DNAJB1: variants seen among roughly 807,000 people sequenced by gnomAD.
DNAJB1 encodes the protein DnaJ heat shock protein family (Hsp40) member B1, also known as dnaJ homolog subfamily B member 1.
DNAJB1 carries 14 observed loss-of-function variants against 24.0 expected under a neutral mutation model. The ratio of observed to expected loss-of-function variants is 0.58; its 90% CI spans 0.39 to 0.91. The LOEUF (loss-of-function observed/expected upper bound fraction) is 0.91. DNAJB1 is among the 40% of genes least tolerant of loss of function. The pLI is 0.00. For missense variants in DNAJB1, 517 were observed against 458.1 expected, an observed-to-expected ratio of 1.13 and a Z score of -1.17; for synonymous variants, 262 against 174.4, an observed-to-expected ratio of 1.50 and a Z score of -3.96.
chr19:14,553,596 T>C (rs1204240677), upstream of DNAJB1, among the ~76,000 whole-genome samples: 2 of 152,122 alleles, frequency 1.3e-5, no homozygotes, highest in Non-Finnish European at 2.9e-5. Flanking sequence ...ATCCTGGCAT[T>C]AGCAGGTTGA....
rs754487466 is a variant in DNAJB1 at position 14,518,364 on chromosome 19, G to T, written c.-15C>A. 3 of 1,537,428 alleles carry T rather than the reference G, an allele frequency of 2.0e-6. No individual in the cohort carries two copies. The highest frequency in any genetic ancestry group is 1.2e-5 in the South Asian group (1 of 81,924). On this transcript the variant is annotated 5_prime_UTR_variant, in exon 1 of 3. Coordinates refer to ENST00000254322, the MANE Select transcript of DNAJB1 (RefSeq NM_006145.3). ...TCTTTACCCATGACCCCCTCCTGCG[G>T]CCCGCCGACCCGCTGTCGCCGTCCC...
At position 14,523,614 on chromosome 19, in the gene DNAJB1, G is replaced by T. The variant is rs938592949; in HGVS notation, c.-90+4112C>A. ...AGGGTTGAACCCTACACCCGGCCTT[G>T]TTTTTGTTTTTTTTTTTTTTTGAGA... On this transcript the variant is annotated intron_variant, in intron 2 of 3. Coordinates refer to the DNAJB1 transcript ENST00000396969. Among the ~76,000 whole-genome samples, 62 of 138,442 alleles carry T rather than the reference G, an allele frequency of 4.5e-4. 1 individual carries two copies. In the South Asian group the frequency reaches 0.014, roughly 30 times the overall value. 90.8% of individuals were successfully genotyped at this position (138,442 alleles called of 152,430 possible).
At chr19:14,516,192 A>T in intron 2 of DNAJB1, 22 bp from the exon 3 acceptor site, 1 of 1,612,718 alleles carries the variant, frequency 6.2e-7, no homozygotes, top group Non-Finnish European at 8.5e-7. Context: ...AAAGGACAGC[A>T]TTAGATGGAA....
At chr19:14,538,587 C>T (rs2072987764) in intron 1 of DNAJB1, among the ~76,000 whole-genome samples, 1 of 149,884 alleles carries the variant, frequency 6.7e-6, no homozygotes, top group Admixed American at 6.7e-5. Context: ...GGCTGGAGTG[C>T]AGTGGCGTAA....
In DNAJB1 at chr19:14,518,389, C is replaced by G. The variant is rs2072316937; in HGVS notation, c.-40G>C. ...GCCCGCCGACCCGCTGTCGCCGTCC[C>G]CCGGCTCCGCCGCCGACCAGTCCCG... is the stretch of plus-strand genomic sequence containing the variant. On this transcript the variant is annotated 5_prime_UTR_variant, in exon 1 of 3. Transcript: ENST00000254322. The G allele has an allele frequency of 2.0e-6, 3 of 1,515,778 alleles. No individual in the cohort carries two copies. The highest frequency in any genetic ancestry group is 1.3e-5 in the South Asian group (1 of 78,360). The allele number at this position is 1,515,778 out of a possible 1,614,324, so 93.9% of individuals were successfully genotyped here.
At chr19:14,559,667 A>G (rs1380177516) in intron 1 of DNAJB1, among the ~76,000 whole-genome samples, 3 of 151,940 alleles carry the variant, frequency 2.0e-5, no homozygotes, top group Admixed American at 1.3e-4. Flanking sequence ...TGTGCCTGTA[A>G]TCCCAGCTAC....
intron 1 of DNAJB1, among the ~76,000 whole-genome samples, chr19:14,539,639 G>A (rs531656273): frequency 6.6e-6 from 1 of 152,184 alleles, no homozygotes; most frequent in Non-Finnish European, 1.5e-5. Context: ...CTATGCTACT[G>A]TCTTTCACAG....
chr19:14,517,426 G>A (rs1408757936), intron 1 of DNAJB1: 5 of 191,570 alleles, frequency 2.6e-5, no homozygotes, highest in East Asian at 1.3e-4. Flanking sequence ...ATGGTGCGTA[G>A]GAAGAGAAGA....
chr19:14,517,206 C>A (rs568826580), intron 1 of DNAJB1, 160 bp from the exon 2 acceptor site: 25 of 657,046 alleles, frequency 3.8e-5, no homozygotes, highest in Admixed American at 3.3e-4. Context: ...TCACTGCCAA[C>A]AGCAGAGACG....
chr19:14,534,293 T>TTATTTTTTA, upstream of DNAJB1, among the ~76,000 whole-genome samples: 1 of 128,260 alleles, frequency 7.8e-6, no homozygotes, highest in African/African-American at 2.6e-5. Context: ...CCTGGCTAAT[T>TTATTTTTTA]TTTTGTATTT....
In DNAJB1 at chr19:14,535,778, G is replaced by A. The variant is rs1431247737; in HGVS notation, c.-213-7968C>T. ...TCTCAAAAAAAAAAAAAAAAAAAAA[G>A]GGAAAGTGGTGAGCCTTGAGCTGTG... On this transcript the variant is annotated intron_variant, in intron 1 of 3. Coordinates refer to the DNAJB1 transcript ENST00000676982. Among the ~76,000 whole-genome samples, 713 of 97,658 alleles carry A rather than the reference G, an allele frequency of 7.3e-3. 9 individuals are homozygous for A. The highest frequency in any genetic ancestry group is 0.02 in the African/African-American group (558 of 28,006). 64.1% of individuals were successfully genotyped at this position (97,658 alleles called of 152,430 possible). A position where few individuals can be genotyped will look rare whatever the true frequency, so the allele number is the denominator to read the frequency against.
In DNAJB1 at chr19:14,527,165, C is replaced by CTTTTTTTTTTTTTTTTT. The variant is rs369143149; in HGVS notation, c.-90+544_-90+560dup. On this transcript the variant is annotated intron_variant, in intron 2 of 3. Transcript: ENST00000396969. Reference sequence around the variant, plus strand: ...AACTGCCACCAGAAAAATATCTCTGCTTTTTTTTTTTTTTTTTTTTTTTTT... The same window carrying CTTTTTTTTTTTTTTTTT: ...AACTGCCACCAGAAAAATATCTCTGCTTTTTTTTTTTTTTTTTTTTTTTTTTTTTTTTTTTTTTTTTT... Among the ~76,000 whole-genome samples the CTTTTTTTTTTTTTTTTT allele has an allele frequency of 9.7e-5, 4 of 41,264 alleles. 1 individual carries two copies. The highest frequency in any genetic ancestry group is 8.1e-5 in the Non-Finnish European group (2 of 24,748). 27.1% of individuals were successfully genotyped at this position (41,264 alleles called of 152,430 possible). A position where few individuals can be genotyped will look rare whatever the true frequency, so the allele number is the denominator to read the frequency against.
chr19:14,536,951 A>C (rs2072919603), intron 1 of DNAJB1, among the ~76,000 whole-genome samples: 1 of 113,304 alleles, frequency 8.8e-6, no homozygotes, highest in Admixed American at 1.0e-4. Context: ...CACGGGGCAG[A>C]TGTGGGGAGG....
upstream of DNAJB1, among the ~76,000 whole-genome samples, chr19:14,552,477 G>A (rs920525422): frequency 1.7e-4 from 26 of 151,892 alleles, no homozygotes; most frequent in Middle Eastern, 3.4e-3. Context: ...GGGCTTCCTC[G>A]TTCCCAAGCC....
At chr19:14,544,748 C>T (rs201986113) in intron 1 of DNAJB1, among the ~76,000 whole-genome samples, 1 of 151,774 alleles carries the variant, frequency 6.6e-6, no homozygotes, top group African/African-American at 2.4e-5. Flanking sequence ...TTCTTGTGCC[C>T]CGGCCTCCCA....
At chr19:14,559,351 G>A (rs1223539408) in intron 1 of DNAJB1, among the ~76,000 whole-genome samples, 4 of 151,984 alleles carry the variant, frequency 2.6e-5, no homozygotes, top group Non-Finnish European at 5.9e-5. Context: ...CCCCCGCCCA[G>A]CCCCTGGCCC....
upstream of DNAJB1, chr19:14,529,480 C>G: frequency 1.5e-6 from 1 of 685,334 alleles, no homozygotes; most frequent in Non-Finnish European, 2.7e-6. Flanking sequence ...TGGTGCTAGT[C>G]CTAGTCTTGG....
chr19:14,520,045 C>A (rs1194184510), upstream of DNAJB1, among the ~76,000 whole-genome samples: 11 of 152,130 alleles, frequency 7.2e-5, no homozygotes, highest in African/African-American at 2.4e-5. Context: ...GGCTGGGTAA[C>A]CTTGGGTTAG....
chr19:14,534,004 A>G (rs1350608473), upstream of DNAJB1: 1 of 152,152 alleles, frequency 6.6e-6, no homozygotes, highest in African/African-American at 2.4e-5. Flanking sequence ...GAGCCTGTTA[A>G]TTCCTGAGAA....
Sources: allele counts gnomAD v4.1 joint callset (sites outside exome capture counted in the v4.1 genomes callset), GRCh38; gene constraint gnomAD v4.1.1; transcripts MANE v1.5; gene names NCBI Gene and HGNC (gene_info 2026-07-23, HGNC 2026-07-21).